The following SAMMSON variants were observed in gnomAD, a reference collection of about 807,000 sequenced individuals.
SAMMSON encodes survival associated mitochondrial melanoma specific oncogenic non-coding RNA.
chr3:70,112,389 G>A (rs2067393163), intron 4 of SAMMSON, among the ~76,000 whole-genome samples: 1 of 152,056 alleles, frequency 6.6e-6, no homozygotes, highest in African/African-American at 2.4e-5. Context: ...ATAAAACCCT[G>A]CTAAAATAGT....
intron 4 of SAMMSON, among the ~76,000 whole-genome samples, chr3:70,175,387 G>A (rs1002159965): frequency 2.0e-5 from 3 of 152,040 alleles, no homozygotes; most frequent in Non-Finnish European, 2.9e-5. Context: ...GCCTTCCACT[G>A]ACTGGTTTAT....
At chr3:70,098,462 G>T (rs1034370675) in intron 4 of SAMMSON, among the ~76,000 whole-genome samples, 2 of 151,954 alleles carry the variant, frequency 1.3e-5, no homozygotes, top group African/African-American at 4.8e-5. Context: ...CCACCTCCCT[G>T]GTTCAAGCAA....
intron 7 of SAMMSON, among the ~76,000 whole-genome samples, chr3:70,331,994 GA>G (rs1378465053): frequency 6.6e-6 from 1 of 152,200 alleles, no homozygotes; most frequent in Non-Finnish European, 1.5e-5. Flanking sequence ...TGGCATTAGT[GA>G]ATTCAGTATT....
chr3:70,125,944 TGAG>T (rs1288942433), intron 4 of SAMMSON: 1 of 753,776 alleles, frequency 1.3e-6, no homozygotes, highest in Admixed American at 2.0e-5. Flanking sequence ...CTCAGGTGGC[TGAG>T]GAGATGTGGG....
intron 4 of SAMMSON, among the ~76,000 whole-genome samples, chr3:70,077,901 A>T (rs1438313353): frequency 1.3e-5 from 2 of 152,182 alleles, no homozygotes; most frequent in Non-Finnish European, 2.9e-5. Context: ...ACTCCTTAGC[A>T]ACTGCCAGTC....
chr3:70,016,748 T>G (rs1290396545), intron 3 of SAMMSON, among the ~76,000 whole-genome samples: 1 of 152,328 alleles, frequency 6.6e-6, no homozygotes, highest in East Asian at 1.9e-4. Flanking sequence ...TAATCCATCT[T>G]GAATTAATTT....
intron 2 of SAMMSON, among the ~76,000 whole-genome samples, chr3:70,422,131 C>T (rs1267149807): frequency 6.6e-6 from 1 of 151,470 alleles, no homozygotes; most frequent in Non-Finnish European, 1.5e-5. Flanking sequence ...AAAAAAAAAT[C>T]AGAGGCACTT....
chr3:70,118,869 C>T (rs2067421963), intron 4 of SAMMSON, among the ~76,000 whole-genome samples: 1 of 152,098 alleles, frequency 6.6e-6, no homozygotes, highest in Non-Finnish European at 1.5e-5. Flanking sequence ...GATGTGAAGC[C>T]TCAAGTCTGA....
intron 3 of SAMMSON, among the ~76,000 whole-genome samples, chr3:70,048,412 T>C (rs2067134836): frequency 6.6e-6 from 1 of 152,096 alleles, no homozygotes; most frequent in Non-Finnish European, 1.5e-5. Flanking sequence ...AAATTACTTA[T>C]TACACATAAA....
rs1559778544 is a variant in SAMMSON at position 70,039,592 on chromosome 3, T to TACACACAC, written n.417+25920_417+25921insACACACAC. On this transcript the variant is annotated intron_variant and non_coding_transcript_variant, in intron 3 of 9. Transcript: ENST00000642114. ...GATCCAATTCCTTAAAACACATCTC[T>TACACACAC]TCACACACACACACACACACACACA... 1.9e-3 allele frequency among the ~76,000 whole-genome samples: 170 copies of TACACACAC among 90,180 alleles called. 2 individuals are homozygous for TACACACAC. The highest frequency in any genetic ancestry group is 6.9e-3 in the African/African-American group (164 of 23,638). The allele number at this position is 90,180 out of a possible 152,430, so 59.2% of individuals were successfully genotyped here. A position where few individuals can be genotyped will look rare whatever the true frequency, so the allele number is the denominator to read the frequency against.
At chr3:70,126,097 T>C (rs2067457336) in intron 4 of SAMMSON, 2 of 1,238,978 alleles carry the variant, frequency 1.6e-6, no homozygotes, top group South Asian at 2.5e-5. Flanking sequence ...TGCCAAAGCA[T>C]TTACTCTGTT....
At chr3:70,236,399 G>A (rs1701609290) in intron 4 of SAMMSON, among the ~76,000 whole-genome samples, 1 of 151,836 alleles carries the variant, frequency 6.6e-6, no homozygotes, top group African/African-American at 2.4e-5. Context: ...TTTATATTTG[G>A]AATGGCCTCT....
chr3:70,028,579 C>A (rs1399179917), intron 3 of SAMMSON, among the ~76,000 whole-genome samples: 1 of 152,110 alleles, frequency 6.6e-6, no homozygotes, highest in Non-Finnish European at 1.5e-5. Flanking sequence ...GGAAAAAAAT[C>A]CCTAAATTTG....
At chr3:70,343,013 G>T (rs1702723830) in intron 7 of SAMMSON, among the ~76,000 whole-genome samples, 1 of 152,140 alleles carries the variant, frequency 6.6e-6, no homozygotes, top group South Asian at 2.1e-4. Context: ...AGATAGAATT[G>T]GAGATGTTAC....
chr3:70,012,912 C>T (rs918604878), intron 2 of SAMMSON, among the ~76,000 whole-genome samples: 3 of 152,012 alleles, frequency 2.0e-5, no homozygotes, highest in Non-Finnish European at 2.9e-5. Flanking sequence ...AAGGAAGCAC[C>T]GTTCTTCCTT....
rs139358925 is a variant in SAMMSON at position 70,293,390 on chromosome 3, A to G, written n.739+2147A>G. ...TAGAAGTGGAATAACTAATTTGGGG[A>G]TGAGAGCCAAGGATACTTTGTAATA... On this transcript the variant is annotated intron_variant and non_coding_transcript_variant, in intron 7 of 9. Coordinates refer to ENST00000642114, the Ensembl canonical transcript of SAMMSON. Among the ~76,000 whole-genome samples, 145 of 152,284 alleles carry G rather than the reference A, an allele frequency of 9.5e-4. No individual in the cohort carries two copies. The East Asian group carries it at 0.025, about 26-fold the overall frequency.
At chr3:70,312,680 C>T (rs1033045072) in intron 7 of SAMMSON, 11 of 152,028 alleles carry the variant, frequency 7.2e-5, no homozygotes, top group Admixed American at 1.3e-4. Context: ...CACTCCCTCC[C>T]GGGGTGGTGC....
intron 1 of SAMMSON, among the ~76,000 whole-genome samples, chr3:70,006,709 C>T (rs945143317): frequency 2.6e-5 from 4 of 151,678 alleles, no homozygotes; most frequent in African/African-American, 9.7e-5. Context: ...GCACAACGTG[C>T]AGGTTAGTTA....
chr3:70,018,016 G>T (rs1049894342), intron 3 of SAMMSON, among the ~76,000 whole-genome samples: 7 of 152,258 alleles, frequency 4.6e-5, no homozygotes, highest in Admixed American at 3.3e-4. Context: ...TTGCATCGAT[G>T]TTCATCAGGG....
Sources: gnomAD v4.1 joint callset for allele counts (sites outside exome capture counted in the v4.1 genomes callset) on GRCh38, gnomAD v4.1.1 for gene constraint, MANE v1.5 for transcripts, NCBI Gene and HGNC (gene_info 2026-07-23, HGNC 2026-07-21) for gene names.